Variants in CHST11 observed in about 807,000 individuals in gnomAD.
CHST11 encodes the protein C4S-1.
A neutral mutation model predicts 30.4 loss-of-function variants in CHST11; 9 were observed. The ratio of observed to expected loss-of-function variants is 0.30; its 90% CI spans 0.18 to 0.52. CHST11 has a LOEUF of 0.52. Ranked by LOEUF, CHST11 falls within the 20% of genes least tolerant of loss-of-function variation. CHST11 has a pLI of 0.97. For synonymous variants in CHST11, 152 were observed against 187.8 expected (o/e 0.81, Z 1.56); for missense variants, 348 against 460.6 (o/e 0.76, Z 2.24).
chr12:104,667,474 C>T (rs1454463787), intron 2 of CHST11, among the ~76,000 whole-genome samples: 2 of 152,186 alleles, frequency 1.3e-5, no homozygotes, highest in African/African-American at 4.8e-5. Flanking sequence ...TTTGGAGTTT[C>T]ATCCCAGTCC....
At chr12:104,672,150 A>G (rs1030193274) in intron 2 of CHST11, among the ~76,000 whole-genome samples, 1 of 152,206 alleles carries the variant, frequency 6.6e-6, no homozygotes, top group Non-Finnish European at 1.5e-5. Flanking sequence ...GAAAATGCCC[A>G]GGAATGTCAG....
At chr12:104,627,187 G>T (rs1252323873) in intron 2 of CHST11, among the ~76,000 whole-genome samples, 1 of 152,014 alleles carries the variant, frequency 6.6e-6, no homozygotes, top group Non-Finnish European at 1.5e-5. Context: ...TTTCTTTTTA[G>T]TACTGAATAT....
rs75720019 is a variant in CHST11, at chr12:104,598,241, T to C, written c.119-3665T>C. 4.2e-3 allele frequency among the ~76,000 whole-genome samples: 636 copies of C among 152,286 alleles called. 29 individuals are homozygous for C. In the East Asian group the frequency reaches 0.083, roughly 20 times the overall value. Reference sequence around the variant, plus strand: ...GGTCCTCATTGTTACCATTTACATATGACTAGCCCAGAAGTCATTTGTGGC... The same window carrying C: ...GGTCCTCATTGTTACCATTTACATACGACTAGCCCAGAAGTCATTTGTGGC... On this transcript the variant is annotated intron_variant, in intron 1 of 2. Coordinates refer to ENST00000303694, the MANE Select transcript of CHST11 (RefSeq NM_018413.6).
chr12:104,507,733 A>G (rs1306119049), intron 1 of CHST11, among the ~76,000 whole-genome samples: 1 of 152,108 alleles, frequency 6.6e-6, no homozygotes, highest in Non-Finnish European at 1.5e-5. Flanking sequence ...TATCTCTCTC[A>G]TCCTCCTCTA....
intron 1 of CHST11, among the ~76,000 whole-genome samples, chr12:104,505,341 C>G (rs74391429): frequency 0.029 from 4,445 of 152,254 alleles, 84 homozygotes; most frequent in South Asian, 0.083. Context: ...CACACCCCCC[C>G]AGCAGAGAGC....
At chr12:104,464,832 CAAT>C (rs1401828800) in intron 1 of CHST11, among the ~76,000 whole-genome samples, 3 of 152,160 alleles carry the variant, frequency 2.0e-5, no homozygotes, top group Non-Finnish European at 4.4e-5. Flanking sequence ...AATCAGCACT[CAAT>C]AAAAATAAAA....
chr12:104,481,158 C>T (rs760059805), intron 1 of CHST11, among the ~76,000 whole-genome samples: 10 of 152,178 alleles, frequency 6.6e-5, no homozygotes, highest in Non-Finnish European at 1.0e-4. Flanking sequence ...TCTCATTGCA[C>T]CCAGAAGAGA....
intron 2 of CHST11, among the ~76,000 whole-genome samples, chr12:104,754,922 G>A (rs550641578): frequency 2.0e-5 from 3 of 152,218 alleles, no homozygotes; most frequent in Non-Finnish European, 4.4e-5. Flanking sequence ...TAAATCACCT[G>A]TGAAGGTGCC....
At position 104,600,006 on chromosome 12, in the gene CHST11, C is replaced by G. The variant is rs1001467497; in HGVS notation, c.119-1900C>G. ...AGGATTTCACACCACAGTGGCCCTG[C>G]GGAAGAGTTATGACAGAGACTGCAG... On this transcript the variant is annotated intron_variant, in intron 1 of 2. Transcript: ENST00000303694. This position sits in a 1 kb window ranked among gnomAD's most constrained non-coding sequence, Gnocchi z 4.1. 1.3e-5 allele frequency among the ~76,000 whole-genome samples: 2 copies of G among 152,222 alleles called. No homozygotes were observed. Among genetic ancestry groups the G allele is most frequent in the South Asian group, 2.1e-4 (1 of 4,836 alleles).
chr12:104,471,898 A>G (rs891809605), intron 1 of CHST11, among the ~76,000 whole-genome samples: 10 of 152,084 alleles, frequency 6.6e-5, no homozygotes, highest in Non-Finnish European at 1.2e-4. Context: ...GTGTAGCTCT[A>G]AAGTGTTAGA....
intron 1 of CHST11, among the ~76,000 whole-genome samples, chr12:104,467,744 A>G (rs187787209): frequency 1.9e-3 from 289 of 152,298 alleles, no homozygotes; most frequent in Admixed American, 4.8e-3. Flanking sequence ...TCTGTTAGAA[A>G]CTGTTAACTT....
chr12:104,668,588 A>G (rs958905770), intron 2 of CHST11, among the ~76,000 whole-genome samples: 5 of 152,226 alleles, frequency 3.3e-5, no homozygotes, highest in Non-Finnish European at 7.3e-5. Flanking sequence ...GCAGAAGGGA[A>G]GAGGCATTCC....
chr12:104,619,320 G>GA (rs1218657144), intron 2 of CHST11, among the ~76,000 whole-genome samples: 1 of 151,562 alleles, frequency 6.6e-6, no homozygotes, highest in Non-Finnish European at 1.5e-5. Flanking sequence ...GGCTGTGCTT[G>GA]AAACGGGAGT....
At chr12:104,543,759 C>T (rs967089965) in intron 1 of CHST11, among the ~76,000 whole-genome samples, 4 of 152,092 alleles carry the variant, frequency 2.6e-5, no homozygotes, top group East Asian at 1.9e-4. Flanking sequence ...TCCCCTGCCC[C>T]GGTAACTAAC....
At chr12:104,619,487 G>C (rs988753193) in intron 2 of CHST11, among the ~76,000 whole-genome samples, 2 of 152,004 alleles carry the variant, frequency 1.3e-5, no homozygotes, top group African/African-American at 2.4e-5. Context: ...CACTCTTCTC[G>C]TCAGGGGAGG....
At chr12:104,745,095 A>G (rs113132883) in intron 2 of CHST11, among the ~76,000 whole-genome samples, 3 of 152,036 alleles carry the variant, frequency 2.0e-5, no homozygotes, top group African/African-American at 7.3e-5. Flanking sequence ...GCTGTTCTCG[A>G]ACTCCTGACC....
Position 104,574,032 on chromosome 12 carries a change from C to T in CHST11, c.119-27874C>T, listed in dbSNP as rs191783691. Among the ~76,000 whole-genome samples the T allele has an allele frequency of 2.9e-4, 44 of 152,252 alleles. No homozygotes were observed. In the East Asian group the frequency reaches 6.7e-3, roughly 23 times the overall value. On this transcript the variant is annotated intron_variant, in intron 1 of 2. Coordinates refer to ENST00000303694, the MANE Select transcript of CHST11 (RefSeq NM_018413.6). Reference sequence around the variant, plus strand: ...TTTACAAGAAAAAAACAAACAACCCCGTCAACAAGTGGGCGAAGGATATGA... The same window carrying T: ...TTTACAAGAAAAAAACAAACAACCCTGTCAACAAGTGGGCGAAGGATATGA...
intron 1 of CHST11, among the ~76,000 whole-genome samples, chr12:104,577,520 CTG>C (rs1353547261): frequency 6.6e-5 from 10 of 152,062 alleles, no homozygotes; most frequent in Non-Finnish European, 1.3e-4. Flanking sequence ...CATTCCCACT[CTG>C]TACTTTCTTA....
Position 104,457,352 on chromosome 12 carries a change from T to C in CHST11, c.-60T>C. The C allele has an allele frequency of 7.7e-7, 1 of 1,300,620 alleles. No homozygotes were observed. The highest frequency in any genetic ancestry group is 1.1e-6 in the Non-Finnish European group (1 of 907,848). The allele number at this position is 1,300,620 out of a possible 1,614,324, so 80.6% of individuals were successfully genotyped here. A position where few individuals can be genotyped will look rare whatever the true frequency, so the allele number is the denominator to read the frequency against. On this transcript the variant is annotated 5_prime_UTR_variant, in exon 1 of 3. Transcript: ENST00000303694. ...GCTCCGGTCCGCGCGGCGGGGTCCC[T>C]GCTCCTGCGCCCCGGGCGCGCTTCC...
Sources: allele counts gnomAD v4.1 joint callset (sites outside exome capture counted in the v4.1 genomes callset), GRCh38; gene constraint gnomAD v4.1.1; non-coding constraint Gnocchi (gnomAD v3.1); transcripts MANE v1.5; gene names NCBI Gene and HGNC (gene_info 2026-07-23, HGNC 2026-07-21).